The following SPECC1L variants were observed in gnomAD, a reference collection of about 807,000 sequenced individuals.
The protein encoded by SPECC1L is cytospin-A.
Under a neutral mutation model 116.8 loss-of-function variants are expected in SPECC1L, and 40 were observed. The ratio of observed to expected loss-of-function variants is 0.34; its 90% CI spans 0.27 to 0.45. The LOEUF is 0.45. SPECC1L is among the 20% of genes least tolerant of loss of function. The probability of loss-of-function intolerance (pLI) is 1.00; values close to 1 mark genes in which losing one functional copy is unlikely to be tolerated. For synonymous variants in SPECC1L, 504 were observed against 500.6 expected (o/e 1.01, Z -0.09); for missense variants, 1,110 against 1,373.6 (o/e 0.81, Z 3.03).
In SPECC1L at chr22:24,325,569, TTATTTATTTATA is replaced by T. The variant is rs1164840695; in HGVS notation, c.2146+1143_2146+1154del. Reference sequence around the variant, plus strand: ...TTTATTTATTTATTTATTTATTTATTTATTTATTTATAAGAGGTGACAGTAATAAAAATGTAG... The same window carrying T: ...TTTATTTATTTATTTATTTATTTATTAGAGGTGACAGTAATAAAAATGTAG... On this transcript the variant is annotated intron_variant, in intron 6 of 16. Transcript: ENST00000314328. Among the ~76,000 whole-genome samples the T allele has an allele frequency of 4.1e-3, 621 of 150,808 alleles. 8 individuals are homozygous for T. The highest frequency in any genetic ancestry group is 0.014 in the African/African-American group (578 of 41,300).
Position 24,414,643 on chromosome 22 carries a change from C to T in SPECC1L, c.*20C>T, listed in dbSNP as rs200422963. ...ACCTGAGCATGCCGGGAGGAGCCGC[C>T]CCAATAGCGGGGGTACCCCTCCACA... On this transcript the variant is annotated 3_prime_UTR_variant, in exon 17 of 17. Transcript: ENST00000314328. 1,010 of 1,610,058 alleles carry T rather than the reference C, an allele frequency of 6.3e-4. 5 individuals are homozygous for T. The highest frequency in any genetic ancestry group is 8.0e-4 in the Non-Finnish European group (947 of 1,176,892).
intron 14 of SPECC1L, among the ~76,000 whole-genome samples, chr22:24,408,664 A>G (rs543574999): frequency 7.9e-5 from 12 of 152,348 alleles, no homozygotes; most frequent in African/African-American, 2.9e-4. Context: ...TTATAACAAT[A>G]TCTCTGGGTC....
intron 2 of SPECC1L, among the ~76,000 whole-genome samples, chr22:24,287,799 C>T (rs532393547): frequency 3.9e-5 from 6 of 152,190 alleles, no homozygotes; most frequent in South Asian, 4.2e-4. Context: ...CCTAGGACCC[C>T]GCTGGAATAT....
At chr22:24,319,614 C>T (rs546495094) in intron 4 of SPECC1L, among the ~76,000 whole-genome samples, 4 of 152,224 alleles carry the variant, frequency 2.6e-5, no homozygotes, top group Non-Finnish European at 4.4e-5. Flanking sequence ...TTCTGCCTAT[C>T]TTTTGGGACT....
Position 24,352,464 on chromosome 22 carries a change from C to A in SPECC1L, c.2743+5288C>A, listed in dbSNP as rs150895014. On this transcript the variant is annotated intron_variant, in intron 11 of 16. Transcript: ENST00000314328. The stretch of plus-strand genomic sequence containing the variant: ...GTAGTTGTGTTCTGTAAGGAAATTT[C>A]ATACCATTATTACCTGTCTAAATTG... Among the ~76,000 whole-genome samples the A allele has an allele frequency of 7.7e-3, 1,173 of 152,200 alleles. 48 individuals carry two copies. Among genetic ancestry groups the A allele is most frequent in the Admixed American group, 0.068 (1,041 of 15,284 alleles).
rs1253850738 is a variant in SPECC1L at position 24,417,578 on chromosome 22, C to T, written c.*2955C>T. The T allele has an allele frequency of 6.6e-6, 1 of 152,242 alleles. No homozygotes were observed. The highest frequency in any genetic ancestry group is 2.4e-5 in the African/African-American group (1 of 41,436). The allele number at this position is 152,242 out of a possible 1,614,324, so 9.4% of individuals were successfully genotyped here. A position where few individuals can be genotyped will look rare whatever the true frequency, so the allele number is the denominator to read the frequency against. On this transcript the variant is annotated 3_prime_UTR_variant, in exon 17 of 17. Transcript: ENST00000314328. ...GGAGAGCGGAAGCCCCTACACAGCC[C>T]AGACACATGCCTTCCCTGGGGGCTG...
chr22:24,365,732 T>C, intron 13 of SPECC1L, 100 bp downstream of exon 13: 1 of 1,386,978 alleles, frequency 7.2e-7, no homozygotes, highest in Non-Finnish European at 1.0e-6. Context: ...AGCACTGTGA[T>C]TTTTCTTTTT....
In SPECC1L at chr22:24,416,756, T is replaced by C. The variant is rs1470478608; in HGVS notation, c.*2133T>C. On this transcript the variant is annotated 3_prime_UTR_variant, in exon 17 of 17. Coordinates refer to ENST00000314328, the MANE Select transcript of SPECC1L (RefSeq NM_015330.6). ...GGGGGTAGGGGTCCCCAGGATCTTC[T>C]GGAGGAAGGTGGCCATGGATGGATG... 3 of 152,360 alleles carry C rather than the reference T, an allele frequency of 2.0e-5. No individual in the cohort carries two copies. The highest frequency in any genetic ancestry group is 7.2e-5 in the African/African-American group (3 of 41,456). 9.4% of individuals were successfully genotyped at this position (152,360 alleles called of 1,614,324 possible).
chr22:24,328,328 A>G (rs996014912), intron 6 of SPECC1L, among the ~76,000 whole-genome samples: 1 of 152,114 alleles, frequency 6.6e-6, no homozygotes, highest in Non-Finnish European at 1.5e-5. Context: ...TTTACTTTAT[A>G]AATATATTCT....
At chr22:24,343,109 A>G (rs967853377) in intron 10 of SPECC1L, among the ~76,000 whole-genome samples, 3 of 151,822 alleles carry the variant, frequency 2.0e-5, no homozygotes, top group East Asian at 2.0e-4. Context: ...CAGGAGAACC[A>G]CTTTAACCCG....
At chr22:24,356,268 CT>C (rs1377969403) in intron 11 of SPECC1L, among the ~76,000 whole-genome samples, 1 of 152,168 alleles carries the variant, frequency 6.6e-6, no homozygotes, top group African/African-American at 2.4e-5. Context: ...AGAGAATAGT[CT>C]TGAACTCTGA....
At chr22:24,383,654 T>A (rs1246676042) in intron 14 of SPECC1L, among the ~76,000 whole-genome samples, 1 of 152,058 alleles carries the variant, frequency 6.6e-6, no homozygotes, top group Non-Finnish European at 1.5e-5. Flanking sequence ...TTTGATTTTA[T>A]TTTTTGAGAC....
intron 1 of SPECC1L, among the ~76,000 whole-genome samples, chr22:24,271,943 A>T (rs1303100634): frequency 6.6e-6 from 1 of 152,240 alleles, no homozygotes; most frequent in Non-Finnish European, 1.5e-5. Context: ...GCTGTCACCC[A>T]GTAGGACACA....
intron 14 of SPECC1L, among the ~76,000 whole-genome samples, chr22:24,399,092 T>A (rs1226552104): frequency 6.6e-6 from 1 of 152,186 alleles, no homozygotes; most frequent in Non-Finnish European, 1.5e-5. Flanking sequence ...CTGACACCCA[T>A]CTCTGCCTGG....
intron 2 of SPECC1L, among the ~76,000 whole-genome samples, chr22:24,284,671 G>C (rs1361652430): frequency 4.6e-5 from 7 of 152,098 alleles, no homozygotes; most frequent in Admixed American, 4.6e-4. Flanking sequence ...TCCTGACCTC[G>C]TGTTCTGCCT....
intron 2 of SPECC1L, among the ~76,000 whole-genome samples, chr22:24,278,433 A>G (rs1012017285): frequency 2.6e-5 from 4 of 152,208 alleles, no homozygotes; most frequent in African/African-American, 9.6e-5. Flanking sequence ...ATACTTCTGG[A>G]AATTCCATTA....
chr22:24,329,745 G>T (rs2040901927), intron 7 of SPECC1L, among the ~76,000 whole-genome samples: 1 of 152,072 alleles, frequency 6.6e-6, no homozygotes, highest in Non-Finnish European at 1.5e-5. Context: ...AATTTTGCCT[G>T]CCTATATTGA....
intron 14 of SPECC1L, among the ~76,000 whole-genome samples, chr22:24,408,602 G>A (rs1349065922): frequency 2.0e-5 from 3 of 152,228 alleles, no homozygotes; most frequent in African/African-American, 7.2e-5. Context: ...TGCGACTCTT[G>A]GCAGGTTTGC....
At chr22:24,411,446 C>G in intron 14 of SPECC1L, 142 bp from the exon 15 acceptor site, 1 of 785,254 alleles carries the variant, frequency 1.3e-6, no homozygotes, top group South Asian at 1.4e-5. Context: ...ACCAGGTAGC[C>G]CTTGGACACA....
Sources: allele counts gnomAD v4.1 joint callset (sites outside exome capture counted in the v4.1 genomes callset), GRCh38; gene constraint gnomAD v4.1.1; transcripts MANE v1.5; gene names NCBI Gene and HGNC (gene_info 2026-07-23, HGNC 2026-07-21).